Variants in HHAT observed in about 807,000 individuals in gnomAD.
HHAT encodes the protein protein-cysteine N-palmitoyltransferase HHAT.
Under a neutral mutation model 70.8 loss-of-function variants are expected in HHAT, and 47 were observed. The observed-to-expected ratio is 0.66, with a 90% CI of 0.53 to 0.85. The LOEUF is 0.85. Among genes scored for constraint, HHAT ranks in the 40% least tolerant of loss-of-function variants. The pLI is 0.00. For synonymous variants in HHAT, 228 were observed against 247.6 expected (o/e 0.92, Z 0.74); for missense variants, 609 against 604.8 (o/e 1.01, Z -0.07).
intron 7 of HHAT, among the ~76,000 whole-genome samples, chr1:210,420,392 C>A (rs959269236): frequency 6.6e-6 from 1 of 152,178 alleles, no homozygotes; most frequent in Non-Finnish European, 1.5e-5. Flanking sequence ...GTCCGTTCTA[C>A]ATATACGAGG....
chr1:210,396,566 C>T (rs896841995), intron 4 of HHAT, among the ~76,000 whole-genome samples: 4 of 152,198 alleles, frequency 2.6e-5, no homozygotes, highest in African/African-American at 9.7e-5. Context: ...AACTACCTTG[C>T]ACCCCAGCAA....
chr1:210,416,449 C>CGTAA (rs748574834), intron 6 of HHAT, among the ~76,000 whole-genome samples: 1 of 152,202 alleles, frequency 6.6e-6, no homozygotes, highest in African/African-American at 2.4e-5. Flanking sequence ...AGAAAACTTA[C>CGTAA]TGTTCTCTCT....
At chr1:210,464,353 G>A (rs2148439053) in intron 7 of HHAT, 152 bp from the exon 8 acceptor site, 1 of 746,232 alleles carries the variant, frequency 1.3e-6, no homozygotes, top group Non-Finnish European at 2.3e-6. Flanking sequence ...AATAAAACCA[G>A]TGTGGAATAC....
chr1:210,416,010 C>G (rs1479942575), intron 6 of HHAT, among the ~76,000 whole-genome samples: 5 of 152,002 alleles, frequency 3.3e-5, no homozygotes, highest in African/African-American at 9.7e-5. Context: ...CATAGTTAAC[C>G]AAGCAGATGG....
At chr1:210,602,855 G>A (rs904032478) in intron 10 of HHAT, among the ~76,000 whole-genome samples, 3 of 152,068 alleles carry the variant, frequency 2.0e-5, no homozygotes, top group South Asian at 2.1e-4. Context: ...TATGCAATTC[G>A]CTGGTTACAC....
intron 11 of HHAT, among the ~76,000 whole-genome samples, chr1:210,641,368 C>T (rs936182000): frequency 1.3e-5 from 2 of 152,100 alleles, no homozygotes; most frequent in African/African-American, 4.8e-5. Flanking sequence ...CCTTGTGATC[C>T]CTTTTAGTTG....
chr1:210,636,515 A>G (rs1292321728), intron 11 of HHAT, among the ~76,000 whole-genome samples: 2 of 152,246 alleles, frequency 1.3e-5, no homozygotes, highest in Non-Finnish European at 2.9e-5. Flanking sequence ...CAGGAAAAAA[A>G]CAACTTTAAG....
chr1:210,360,590 G>T (rs2088181691), intron 2 of HHAT, among the ~76,000 whole-genome samples: 1 of 152,112 alleles, frequency 6.6e-6, no homozygotes, highest in South Asian at 2.1e-4. Context: ...GATTACAGGC[G>T]TGAGCTACCG....
chr1:210,389,726 C>T (rs1009503085), intron 4 of HHAT, among the ~76,000 whole-genome samples: 3 of 152,184 alleles, frequency 2.0e-5, no homozygotes, highest in African/African-American at 7.2e-5. Flanking sequence ...TTAATTAAAC[C>T]TCTTCTTCAT....
intron 7 of HHAT, among the ~76,000 whole-genome samples, chr1:210,442,000 C>G (rs909592259): frequency 8.7e-6 from 1 of 114,528 alleles, no homozygotes; most frequent in Non-Finnish European, 1.7e-5. Context: ...TCCCTCCCCC[C>G]TCCCCCCACC....
intron 11 of HHAT, among the ~76,000 whole-genome samples, chr1:210,667,044 C>T (rs1679044365): frequency 6.6e-6 from 1 of 150,786 alleles, no homozygotes; most frequent in Non-Finnish European, 1.5e-5. Flanking sequence ...TGCACCACTG[C>T]ACTCCAGCCT....
chr1:210,497,840 A>G (rs1230822146), intron 8 of HHAT, among the ~76,000 whole-genome samples: 1 of 149,322 alleles, frequency 6.7e-6, no homozygotes, highest in Non-Finnish European at 1.5e-5. Context: ...ATCTTGACTC[A>G]CTGCAACCTC....
chr1:210,574,384 A>G (rs888576809), intron 9 of HHAT, among the ~76,000 whole-genome samples: 1 of 152,172 alleles, frequency 6.6e-6, no homozygotes, highest in Non-Finnish European at 1.5e-5. Context: ...GACTGATAAG[A>G]TGAAATTAGT....
At chr1:210,531,025 T>C (rs1175994359) in intron 9 of HHAT, among the ~76,000 whole-genome samples, 1 of 152,174 alleles carries the variant, frequency 6.6e-6, no homozygotes, top group African/African-American at 2.4e-5. Context: ...CATCGTAGAG[T>C]GTACTTCCAC....
At chr1:210,420,005 T>C (rs1391790957) in intron 7 of HHAT, among the ~76,000 whole-genome samples, 1 of 152,208 alleles carries the variant, frequency 6.6e-6, no homozygotes, top group African/African-American at 2.4e-5. Flanking sequence ...TAGTAAATTA[T>C]GTGACTCTGA....
At chr1:210,331,237 G>A (rs2084953807) in intron 1 of HHAT, among the ~76,000 whole-genome samples, 4 of 150,294 alleles carry the variant, frequency 2.7e-5, no homozygotes, top group Non-Finnish European at 4.4e-5. Flanking sequence ...TCTGCAACTA[G>A]GCAGTCCCAT....
At position 210,612,169 on chromosome 1, in the gene HHAT, G is replaced by A. The variant is rs150815166; in HGVS notation, c.1246-11357G>A. Among the ~76,000 whole-genome samples, 393 of 152,178 alleles carry A rather than the reference G, an allele frequency of 2.6e-3. 1 individual carries two copies. The highest frequency in any genetic ancestry group is 4.4e-3 in the Non-Finnish European group (296 of 67,978). ...CTGTTAATGTTTTCATTGTGATAAA[G>A]TATACTTAACATATAATTTGCCATT... On this transcript the variant is annotated intron_variant, in intron 10 of 11. Transcript: ENST00000261458.
chr1:210,623,626 G>A lies in HHAT; in HGVS notation c.1346G>A (p.Gly449Asp), dbSNP rs112551598. 74 of 1,613,958 alleles carry A rather than the reference G, an allele frequency of 4.6e-5. No homozygotes were observed. The African/African-American group carries it at 5.6e-4, about 12-fold the overall frequency. The change falls in exon 11 of 12, where the codon GGC (glycine) becomes GAC (aspartate). Residue 449 changes from glycine to aspartate, a missense_variant. By Grantham distance (94) the Gly-to-Asp change is moderately conservative. Transcript: ENST00000261458. ...LILSNLVFLG[G>D]NEVGKTYWNR... ...CTGTCCAACCTGGTATTTCTTGGGG[G>A]CAATGAGGTTGGGAAAACCTACTGG...
In HHAT at chr1:210,591,784, A is replaced by G. The variant is rs1378805363; in HGVS notation, c.1245+3685A>G. On this transcript the variant is annotated intron_variant, in intron 10 of 11. Transcript: ENST00000261458. ...TTTTGATTTGAATTTTTCTGACTTTAGTGTTGAGCACTTTTTCATATACCT... is the reference window on the plus strand; with the variant it reads ...TTTTGATTTGAATTTTTCTGACTTTGGTGTTGAGCACTTTTTCATATACCT... Among the ~76,000 whole-genome samples, 3 of 152,056 alleles carry G rather than the reference A, an allele frequency of 2.0e-5. No homozygotes were observed. In the South Asian group the frequency reaches 6.2e-4, roughly 31 times the overall value.
Sources: allele counts gnomAD v4.1 joint callset (sites outside exome capture counted in the v4.1 genomes callset), GRCh38; gene constraint gnomAD v4.1.1; transcripts MANE v1.5; gene names NCBI Gene and HGNC (gene_info 2026-07-23, HGNC 2026-07-21).